Variants in TYW1B observed in about 807,000 individuals in gnomAD.
TYW1B encodes the protein S-adenosyl-L-methionine-dependent tRNA 4-demethylwyosine synthase TYW1B.
In TYW1B, 73 loss-of-function variants were observed where a neutral mutation model predicts 86.9. The ratio of observed to expected loss-of-function variants is 0.84; its 90% CI spans 0.70 to 1.02. The LOEUF (loss-of-function observed/expected upper bound fraction) is 1.02. Among genes scored for constraint, TYW1B ranks in the 50% least tolerant of loss-of-function variants. The pLI, the probability that TYW1B is intolerant of heterozygous loss-of-function variation, is 0.00. For missense variants in TYW1B, 637 were observed against 827.4 expected (o/e 0.77, Z 2.82); for synonymous variants, 248 against 292.8 (o/e 0.85, Z 1.56).
At chr7:72,805,292 G>A (rs1198504748) in intron 5 of TYW1B, among the ~76,000 whole-genome samples, 1 of 142,120 alleles carries the variant, frequency 7.0e-6, no homozygotes, top group African/African-American at 2.6e-5. Flanking sequence ...GATTACAGGC[G>A]TGAGCCACCA....
At chr7:72,640,366 A>C (rs1563041902) in intron 11 of TYW1B, among the ~76,000 whole-genome samples, 1 of 152,142 alleles carries the variant, frequency 6.6e-6, no homozygotes, top group Non-Finnish European at 1.5e-5. Flanking sequence ...AGACACACGA[A>C]AGACTAAAGA....
At chr7:72,792,098 G>A (rs1236280588) in intron 6 of TYW1B, among the ~76,000 whole-genome samples, 1 of 152,156 alleles carries the variant, frequency 6.6e-6, no homozygotes, top group Non-Finnish European at 1.5e-5. Flanking sequence ...GGGAGACCGA[G>A]GCGGGTGATC....
At chr7:72,803,212 A>AAAC (rs765023867) in intron 5 of TYW1B, among the ~76,000 whole-genome samples, 4 of 152,102 alleles carry the variant, frequency 2.6e-5, no homozygotes, top group African/African-American at 9.7e-5. Flanking sequence ...ATCTCTACAA[A>AAAC]AACAACAACA....
chr7:72,740,739 T>C, intron 8 of TYW1B, among the ~76,000 whole-genome samples: 1 of 150,480 alleles, frequency 6.6e-6, no homozygotes, highest in East Asian at 1.9e-4. Flanking sequence ...TTTTCTTTTT[T>C]TTTTTTTTTG....
rs545033945 is a variant in TYW1B, at chr7:72,738,705, A to G, written c.1082+5779T>C. Among the ~76,000 whole-genome samples the G allele has an allele frequency of 2.6e-5, 4 of 152,232 alleles. No homozygotes were observed. The South Asian group carries it at 6.2e-4, about 24-fold the overall frequency. ...TGAGAACCACCGATTTAACAGGATGACCTAAGAGATACTTTTAGTGTTTTG... is the reference window on the plus strand; with the variant it reads ...TGAGAACCACCGATTTAACAGGATGGCCTAAGAGATACTTTTAGTGTTTTG... On this transcript the variant is annotated intron_variant, in intron 8 of 13. Transcript: ENST00000620995.
At chr7:72,760,648 C>T (rs1585963353) in intron 7 of TYW1B, among the ~76,000 whole-genome samples, 1 of 152,140 alleles carries the variant, frequency 6.6e-6, no homozygotes, top group Non-Finnish European at 1.5e-5. Context: ...ACCCAAATGC[C>T]TTTCAGTTCA....
chr7:72,701,412 C>T (rs180930857), intron 10 of TYW1B, among the ~76,000 whole-genome samples: 2 of 152,224 alleles, frequency 1.3e-5, no homozygotes, highest in Non-Finnish European at 1.5e-5. Flanking sequence ...TACAGGCATG[C>T]ACCAAAACAC....
chr7:72,623,720 G>A (rs1267603639), intron 12 of TYW1B, among the ~76,000 whole-genome samples: 1 of 152,064 alleles, frequency 6.6e-6, no homozygotes, highest in African/African-American at 2.4e-5. Flanking sequence ...TCCTTAGAGA[G>A]GTTTGAGGTT....
At chr7:72,595,626 C>T (rs1330402834) in intron 13 of TYW1B, among the ~76,000 whole-genome samples, 1 of 152,134 alleles carries the variant, frequency 6.6e-6, no homozygotes, top group East Asian at 1.9e-4. Context: ...GAAGTAGCAC[C>T]AAGTTGAGAC....
At chr7:72,691,108 A>G (rs1346252466) in intron 11 of TYW1B, among the ~76,000 whole-genome samples, 1 of 152,246 alleles carries the variant, frequency 6.6e-6, no homozygotes, top group Non-Finnish European at 1.5e-5. Flanking sequence ...TACAAAATAT[A>G]TGTTTTAAGT....
At chr7:72,826,361 T>C (rs1316106067) in intron 2 of TYW1B, among the ~76,000 whole-genome samples, 1 of 152,244 alleles carries the variant, frequency 6.6e-6, no homozygotes, top group Non-Finnish European at 1.5e-5. Context: ...TGTATTTTTC[T>C]CTTAAATCTT....
intron 11 of TYW1B, among the ~76,000 whole-genome samples, chr7:72,663,609 A>AT (rs1813387549): frequency 6.6e-6 from 1 of 151,638 alleles, no homozygotes; most frequent in South Asian, 2.1e-4. Context: ...ATATATATAT[A>AT]AAAAATTAGC....
intron 13 of TYW1B, among the ~76,000 whole-genome samples, chr7:72,597,393 C>T (rs1353611925): frequency 6.6e-6 from 1 of 152,066 alleles, no homozygotes; most frequent in African/African-American, 2.4e-5. Flanking sequence ...ATATTATGAG[C>T]AACGTAATCA....
chr7:72,696,232 G>T (rs1369772205), intron 10 of TYW1B, among the ~76,000 whole-genome samples: 3 of 152,168 alleles, frequency 2.0e-5, no homozygotes, highest in Admixed American at 2.0e-4. Context: ...ACAGGCGTGA[G>T]CCACTGTGCC....
chr7:72,712,713 C>T (rs192908807), intron 10 of TYW1B, among the ~76,000 whole-genome samples: 1 of 152,174 alleles, frequency 6.6e-6, no homozygotes, highest in Non-Finnish European at 1.5e-5. Context: ...TCATCATCTC[C>T]TATCTAGGCT....
At chr7:72,666,290 G>T (rs1286287032) in intron 11 of TYW1B, among the ~76,000 whole-genome samples, 3 of 151,920 alleles carry the variant, frequency 2.0e-5, no homozygotes, top group Non-Finnish European at 2.9e-5. Flanking sequence ...GCTGAGCATG[G>T]TGGCACGCAC....
chr7:72,601,883 G>T (rs528853502), intron 13 of TYW1B, among the ~76,000 whole-genome samples: 17 of 152,244 alleles, frequency 1.1e-4, no homozygotes, highest in Admixed American at 1.0e-3. Context: ...GTGGCTGCCA[G>T]TAGTTCCAAG....
chr7:72,822,162 C>CA (rs782637112), intron 2 of TYW1B, among the ~76,000 whole-genome samples: 1,160 of 36,052 alleles, frequency 0.032, 33 homozygotes, highest in African/African-American at 0.07. Context: ...GACCCTGTCT[C>CA]AAAAAAAAAA....
intron 9 of TYW1B, chr7:72,723,148 T>C (rs1190536864): frequency 5.6e-6 from 3 of 535,020 alleles, no homozygotes; most frequent in Non-Finnish European, 8.8e-6. Context: ...ATTATAAATA[T>C]ATAAGGGGGA....
Sources: allele counts gnomAD v4.1 joint callset (sites outside exome capture counted in the v4.1 genomes callset), GRCh38; gene constraint gnomAD v4.1.1; transcripts MANE v1.5; gene names NCBI Gene and HGNC (gene_info 2026-07-23, HGNC 2026-07-21).